SLITRK3: variants seen among roughly 807,000 people sequenced by gnomAD.
SLITRK3 encodes SLIT and NTRK like family member 3.
In SLITRK3, 16 loss-of-function variants were observed where a neutral mutation model predicts 63.6. The observed-to-expected ratio is 0.25, with a 90% CI of 0.17 to 0.38. The LOEUF (loss-of-function observed/expected upper bound fraction) is 0.38, where lower values mean the gene tolerates loss of function less well. Among genes scored for constraint, SLITRK3 ranks in the 10% least tolerant of loss-of-function variants. The pLI is 1.00. For missense variants in SLITRK3, 1,117 were observed against 1,181.4 expected (o/e 0.95, Z 0.80); for synonymous variants, 547 against 451.6 (o/e 1.21, Z -2.68).
Position 165,189,444 on chromosome 3 carries a change from G to A in SLITRK3, c.1387C>T (p.Leu463Phe). ...AGCTTCTCTATATCGTTGCCATTAA[G>A]GAAGAGGCTCTTTAAGTTGGGCAAG... ...INLPNLKSLF[L>F]NGNDIEKLTP... Residue 463 changes from leucine (L) to phenylalanine (F), a missense_variant, in exon 2 of 2, where the codon CTT (leucine) becomes TTT (phenylalanine). Transcript: ENST00000475390. This position sits in a 1 kb window ranked among gnomAD's most constrained non-coding sequence, Gnocchi z 4.0. 1 of 1,613,226 alleles carries A rather than the reference G, an allele frequency of 6.2e-7. No homozygotes were observed. Among genetic ancestry groups the A allele is most frequent in the Non-Finnish European group, 8.5e-7 (1 of 1,180,024 alleles).
rs756938795 is a variant in SLITRK3, at chr3:165,188,675, C to T, written c.2156G>A (p.Ser719Asn). Residue 719 changes from serine (S) to asparagine (N), a missense_variant, in exon 2 of 2, where the codon AGT (serine) becomes AAT (asparagine). Physicochemically the swap from Ser to Asn is conservative, Grantham distance 46. Around this residue, in one of 4 missense-constraint regions of SLITRK3, gnomAD observed 499 missense variants for 463.6 expected, o/e 1.08. Transcript: ENST00000475390. Reference sequence around the variant, plus strand: ...AAGAGTTGGTCGACCACCACCCCCACTTCCGCCACCACCACCTCCACCATC... The same window carrying T: ...AAGAGTTGGTCGACCACCACCCCCATTTCCGCCACCACCACCTCCACCATC... ...FEDGGGGGGG[S>N]GGGGRPTLSS... is the part of the protein sequence containing the mutation. 10 of 1,613,982 alleles carry T rather than the reference C, an allele frequency of 6.2e-6. No individual in the cohort carries two copies. The Admixed American group carries it at 1.5e-4, about 24-fold the overall frequency.
At position 165,187,150 on chromosome 3, in the gene SLITRK3, G is replaced by C. The variant is rs1348112877; in HGVS notation, c.*747C>G. 1.3e-5 allele frequency: 2 copies of C among 153,170 alleles called. No individual in the cohort carries two copies. Among genetic ancestry groups the C allele is most frequent in the East Asian group, 1.9e-4 (1 of 5,188 alleles). The allele number at this position is 153,170 out of a possible 1,614,324, so 9.5% of individuals were successfully genotyped here. On this transcript the variant is annotated 3_prime_UTR_variant, in exon 2 of 2. Coordinates refer to ENST00000475390, the MANE Select transcript of SLITRK3 (RefSeq NM_001318810.2). The stretch of plus-strand genomic sequence containing the variant: ...AGCAGTGAAGGGTGGTAGAACTATG[G>C]AGAGGAGAAAAATGGATCAAACCCG...
In SLITRK3 at chr3:165,188,201, C is replaced by A; in HGVS notation, c.2630G>T (p.Gly877Val). The A allele has an allele frequency of 6.2e-7, 1 of 1,613,878 alleles. No homozygotes were observed. The highest frequency in any genetic ancestry group is 8.5e-7 in the Non-Finnish European group (1 of 1,179,996). Reference sequence around the variant, plus strand: ...TAGTAGCATACTGCCACTACCACAGCCTCCCCCAGGAGGAAACAGCACCAC... The same window carrying A: ...TAGTAGCATACTGCCACTACCACAGACTCCCCCAGGAGGAAACAGCACCAC... ...GGVVLFPPGG[G>V]CGSGSMLLDR... is the part of the protein sequence containing the mutation. The change falls in exon 2 of 2, where the codon GGC (glycine) becomes GTC (valine). Residue 877 changes from glycine (G) to valine (V), a missense_variant. Physicochemically the swap from Gly to Val is moderately radical, Grantham distance 109. This residue lies in a region of SLITRK3 where 499 missense variants were observed against 463.6 expected (regional missense o/e 1.08). Transcript: ENST00000475390.
chr3:165,191,879 T>C (rs1165807137), intron 1 of SLITRK3, among the ~76,000 whole-genome samples: 2 of 152,136 alleles, frequency 1.3e-5, no homozygotes, highest in African/African-American at 4.8e-5. Context: ...ACGAAATAAA[T>C]TTCAAAAAAG....
intron 1 of SLITRK3, among the ~76,000 whole-genome samples, chr3:165,195,182 T>C (rs1718374017): frequency 6.6e-6 from 1 of 152,218 alleles, no homozygotes; most frequent in Non-Finnish European, 1.5e-5. Context: ...CTATAGAGCC[T>C]TTTCTAATCT....
Position 165,189,314 on chromosome 3 carries a change from A to G in SLITRK3, c.1517T>C (p.Leu506Ser). The G allele has an allele frequency of 6.2e-7, 1 of 1,614,192 alleles. No homozygotes were observed. Among genetic ancestry groups the G allele is most frequent in the Non-Finnish European group, 8.5e-7 (1 of 1,180,028 alleles). The change falls in exon 2 of 2, where the codon TTG (leucine) becomes TCG (serine). Residue 506 changes from leucine to serine, a missense_variant. By Grantham distance (145) the Leu-to-Ser change is moderately radical. Transcript: ENST00000475390. This position sits in a 1 kb window ranked among gnomAD's most constrained non-coding sequence, Gnocchi z 4.0. Reference protein sequence around the residue: ...QPAAFSLMPNLKLLFLNNNLL... With the variant: ...QPAAFSLMPNSKLLFLNNNLL... ...GTTATTATTGAGGAATAGCAGCTTCAAGTTGGGCATGAGGCTGAAGGCTGC... is the reference window on the plus strand; with the variant it reads ...GTTATTATTGAGGAATAGCAGCTTCGAGTTGGGCATGAGGCTGAAGGCTGC...
Position 165,189,924 on chromosome 3 carries a change from C to G in SLITRK3, c.907G>C (p.Glu303Gln), listed in dbSNP as rs1421116879. The G allele has an allele frequency of 1.2e-6, 2 of 1,614,084 alleles. No individual in the cohort carries two copies. The highest frequency in any genetic ancestry group is 1.1e-5 in the South Asian group (1 of 91,078). ...GAAGGCTTAGTTGGCCATGCATTCT[C>G]CTTACTTGATGACGAATGTGGAATT... The part of the protein sequence containing the change: ...LGIPHSSSSK[E>Q]NAWPTKPSSM... The change falls in exon 2 of 2, where the codon GAG becomes CAG. Residue 303 changes from glutamate (E) to glutamine (Q), a missense_variant. Glu to Gln is a conservative substitution (Grantham distance 29, BLOSUM62 2). This residue lies in a region of SLITRK3 where 452 missense variants were observed against 495.3 expected (regional missense o/e 0.91). Coordinates refer to ENST00000475390, the MANE Select transcript of SLITRK3 (RefSeq NM_001318810.2). The surrounding 1 kb of genome is among the most constrained non-coding windows in gnomAD (Gnocchi z 4.0).
In SLITRK3 at chr3:165,189,482, C is replaced by G. The variant is rs1200956797; in HGVS notation, c.1349G>C (p.Gly450Ala). Residue 450 changes from glycine (G) to alanine (A), a missense_variant, in exon 2 of 2, where the codon GGG becomes GCG. Gly to Ala is a moderately conservative substitution (Grantham distance 60, BLOSUM62 0). This residue lies in a region of SLITRK3 where 158 missense variants were observed against 197.2 expected (regional missense o/e 0.80). Transcript: ENST00000475390. The surrounding 1 kb of genome is among the most constrained non-coding windows in gnomAD (Gnocchi z 4.0). ...TAAGTTGGGCAAGTTGATAAAGGCC[C>G]CATCTTGGACATAGGAAATACGATT... Reference protein sequence around the residue: ...GNNRISYVQDGAFINLPNLKS... With the variant: ...GNNRISYVQDAAFINLPNLKS... The G allele has an allele frequency of 5.6e-6, 9 of 1,613,460 alleles. No individual in the cohort carries two copies. Among genetic ancestry groups the G allele is most frequent in the Non-Finnish European group, 7.6e-6 (9 of 1,180,032 alleles).
chr3:165,195,010 C>T (rs908824565), intron 1 of SLITRK3, among the ~76,000 whole-genome samples: 5 of 152,148 alleles, frequency 3.3e-5, no homozygotes, highest in Admixed American at 6.5e-5. Flanking sequence ...TTTCTCCCTG[C>T]TGTGCCCCCT....
chr3:165,188,298 C>T lies in SLITRK3; in HGVS notation c.2533G>A (p.Gly845Arg). 1 of 1,614,022 alleles carries T rather than the reference C, an allele frequency of 6.2e-7. No homozygotes were observed. Among genetic ancestry groups the T allele is most frequent in the Admixed American group, 1.7e-5 (1 of 60,012 alleles). ...HHHPHHPAVG[G>R]VSGVVGGTGG... ...GTTCCCCCAACTACTCCTGAAACCCCACCAACTGCTGGGTGGTGAGGGTGA... is the reference window on the plus strand; with the variant it reads ...GTTCCCCCAACTACTCCTGAAACCCTACCAACTGCTGGGTGGTGAGGGTGA... Residue 845 changes from glycine (G) to arginine (R), a missense_variant, in exon 2 of 2, where the codon GGG (glycine) becomes AGG (arginine). Transcript: ENST00000475390.
intron 1 of SLITRK3, among the ~76,000 whole-genome samples, chr3:165,193,672 T>G (rs748228723): frequency 9.2e-5 from 14 of 152,132 alleles, no homozygotes; most frequent in South Asian, 2.1e-4. Context: ...TTTCTTCCAC[T>G]TTTTAAAAAC....
intron 1 of SLITRK3, among the ~76,000 whole-genome samples, chr3:165,193,106 AGTGT>A (rs35240347): frequency 0.024 from 3,455 of 143,070 alleles, 44 homozygotes; most frequent in African/African-American, 0.032. Flanking sequence ...CAGTTGAGTG[AGTGT>A]GTGTGTGTGT....
Position 165,189,348 on chromosome 3 carries a change from T to A in SLITRK3, c.1483A>T (p.Ile495Phe). 6.2e-7 allele frequency: 1 copy of A among 1,614,158 alleles called. No individual in the cohort carries two copies. Among genetic ancestry groups the A allele is most frequent in the Non-Finnish European group, 8.5e-7 (1 of 1,180,032 alleles). Residue 495 changes from isoleucine (I) to phenylalanine (F), a missense_variant, in exon 2 of 2, where the codon ATC becomes TTC. By Grantham distance (21) the Ile-to-Phe change is conservative. This residue lies in a region of SLITRK3 where 158 missense variants were observed against 197.2 expected (regional missense o/e 0.80). Coordinates refer to ENST00000475390, the MANE Select transcript of SLITRK3 (RefSeq NM_001318810.2). The surrounding 1 kb of genome is among the most constrained non-coding windows in gnomAD (Gnocchi z 4.0). Reference protein sequence around the residue: ...LYFEFNVIREIQPAAFSLMPN... With the variant: ...LYFEFNVIREFQPAAFSLMPN... ...ATGAGGCTGAAGGCTGCAGGCTGGATTTCCCGGATGACATTGAACTCAAAG... is the reference window on the plus strand; with the variant it reads ...ATGAGGCTGAAGGCTGCAGGCTGGAATTCCCGGATGACATTGAACTCAAAG...
In SLITRK3 at chr3:165,189,906, T is replaced by C; in HGVS notation, c.925A>G (p.Lys309Glu). The C allele has an allele frequency of 6.2e-7, 1 of 1,614,130 alleles. No individual in the cohort carries two copies. Among genetic ancestry groups the C allele is most frequent in the South Asian group, 1.1e-5 (1 of 91,082 alleles). The change falls in exon 2 of 2, where the codon AAG becomes GAG. Residue 309 changes from lysine (K) to glutamate (E), a missense_variant. Coordinates refer to ENST00000475390, the MANE Select transcript of SLITRK3 (RefSeq NM_001318810.2). This position sits in a 1 kb window ranked among gnomAD's most constrained non-coding sequence, Gnocchi z 4.0. Reference protein sequence around the residue: ...SSSKENAWPTKPSSMLSSVHF... With the variant: ...SSSKENAWPTEPSSMLSSVHF... ...ACAGAGGATAGCATTGAGGAAGGCTTAGTTGGCCATGCATTCTCCTTACTT... is the reference window on the plus strand; with the variant it reads ...ACAGAGGATAGCATTGAGGAAGGCTCAGTTGGCCATGCATTCTCCTTACTT...
rs1198788597 is a variant in SLITRK3, at chr3:165,187,577, C to T, written c.*320G>A. 2 of 228,340 alleles carry T rather than the reference C, an allele frequency of 8.8e-6. No individual in the cohort carries two copies. The highest frequency in any genetic ancestry group is 1.7e-5 in the Non-Finnish European group (2 of 118,016). 14.1% of individuals were successfully genotyped at this position (228,340 alleles called of 1,614,324 possible). A position where few individuals can be genotyped will look rare whatever the true frequency, so the allele number is the denominator to read the frequency against. Reference sequence around the variant, plus strand: ...TTAATTAGGATCCATACAATGATCCCCAGTATATCTTATACATGGCACAGT... The same window carrying T: ...TTAATTAGGATCCATACAATGATCCTCAGTATATCTTATACATGGCACAGT... On this transcript the variant is annotated 3_prime_UTR_variant, in exon 2 of 2. Transcript: ENST00000475390.
Position 165,188,302 on chromosome 3 carries a change from A to G in SLITRK3, c.2529T>C (p.Val843=). Residue 843 remains valine (V), a synonymous_variant, in exon 2 of 2, where the codon GTT becomes GTC. Transcript: ENST00000475390. ...VNHHHPHHPA[V]GGVSGVVGGT... ...CCCCAACTACTCCTGAAACCCCACC[A>G]ACTGCTGGGTGGTGAGGGTGATGGT... The G allele has an allele frequency of 6.2e-7, 1 of 1,613,754 alleles. No homozygotes were observed. The highest frequency in any genetic ancestry group is 2.2e-5 in the East Asian group (1 of 44,842).
chr3:165,196,420 C>G (rs983515614), upstream of SLITRK3, among the ~76,000 whole-genome samples: 2 of 60,952 alleles, frequency 3.3e-5, no homozygotes, highest in East Asian at 7.5e-4. Context: ...ACTTCTCGAG[C>G]GGGAGAAGGT....
chr3:165,190,960 G>C (rs1718202324), intron 1 of SLITRK3, 109 bp from the exon 2 acceptor site: 3 of 735,498 alleles, frequency 4.1e-6, no homozygotes, highest in Non-Finnish European at 2.1e-6. Flanking sequence ...TTCAGCAATT[G>C]TTGAAGTGAC....
At position 165,189,058 on chromosome 3, in the gene SLITRK3, G is replaced by A; in HGVS notation, c.1773C>T (p.Cys591=). The change falls in exon 2 of 2, where the codon TGC becomes TGT. Residue 591 remains cysteine (C), a synonymous_variant. Coordinates refer to ENST00000475390, the MANE Select transcript of SLITRK3 (RefSeq NM_001318810.2). The surrounding 1 kb of genome is among the most constrained non-coding windows in gnomAD (Gnocchi z 4.0). ...GGTGCGTGAGGTTCTCAGGGCTCCT[G>A]CAAAGCACATCACCAACCACACTGA... ...SSVSVVGDVL[C]RSPENLTHRD... The A allele has an allele frequency of 6.2e-7, 1 of 1,614,192 alleles. No homozygotes were observed. Among genetic ancestry groups the A allele is most frequent in the Non-Finnish European group, 8.5e-7 (1 of 1,180,040 alleles).
Sources: allele counts gnomAD v4.1 joint callset (sites outside exome capture counted in the v4.1 genomes callset), GRCh38; gene constraint gnomAD v4.1.1; regional missense constraint gnomAD v4.1.1; non-coding constraint Gnocchi (gnomAD v3.1); transcripts MANE v1.5; gene names NCBI Gene and HGNC (gene_info 2026-07-23, HGNC 2026-07-21).